Variants in EEF1E1 observed in about 807,000 individuals in gnomAD.
The protein encoded by EEF1E1 is eukaryotic translation elongation factor 1 epsilon-1.
Under a neutral mutation model 19.9 loss-of-function variants are expected in EEF1E1, and 19 were observed. The ratio of observed to expected loss-of-function variants is 0.95; its 90% CI spans 0.66 to 1.40. The LOEUF is 1.40. Ranked by LOEUF, EEF1E1 falls within the 40% of genes most tolerant of loss-of-function variation. The pLI is 0.00. For synonymous variants in EEF1E1, 81 were observed against 80.0 expected, an observed-to-expected ratio of 1.01 and a Z score of -0.07; for missense variants, 198 against 202.2, an observed-to-expected ratio of 0.98 and a Z score of 0.13.
At chr6:8,092,170 A>T (rs916793287) in intron 2 of EEF1E1, among the ~76,000 whole-genome samples, 2 of 152,186 alleles carry the variant, frequency 1.3e-5, no homozygotes, top group Non-Finnish European at 2.9e-5. Flanking sequence ...TCCTAACTCC[A>T]TAACTTTGGG....
chr6:8,099,751 A>AACACACACACACACAC (rs1554099744), intron 1 of EEF1E1, among the ~76,000 whole-genome samples: 5 of 92,928 alleles, frequency 5.4e-5, no homozygotes, highest in African/African-American at 1.6e-4. Flanking sequence ...CCGCCTCAAA[A>AACACACACACACACAC]ACACACACAC....
At chr6:8,097,497 T>TA (rs1466984631) in intron 1 of EEF1E1, 30 bp from the exon 2 acceptor site, 1 of 1,578,240 alleles carries the variant, frequency 6.3e-7, no homozygotes, top group Non-Finnish European at 8.6e-7. Flanking sequence ...TCACAGAATT[T>TA]AAAAAACAAG....
downstream of EEF1E1, among the ~76,000 whole-genome samples, chr6:8,076,504 T>C (rs1334465355): frequency 6.6e-6 from 1 of 152,118 alleles, no homozygotes; most frequent in East Asian, 1.9e-4. Context: ...TTTGTATTTT[T>C]AGTACAGACG....
In EEF1E1 at chr6:8,090,173, T is replaced by C; in HGVS notation, c.384+13A>G. On this transcript the variant is annotated intron_variant, in intron 3 of 3. Transcript: ENST00000379715. ...ACTACAGAAAAAAAGCCAGTAACTATACAAATACTCACTATAAAGCGATGA... is the reference window on the plus strand; with the variant it reads ...ACTACAGAAAAAAAGCCAGTAACTACACAAATACTCACTATAAAGCGATGA... The C allele has an allele frequency of 5.3e-6, 8 of 1,513,516 alleles. No individual in the cohort carries two copies. Among genetic ancestry groups the C allele is most frequent in the South Asian group, 1.3e-5 (1 of 74,610 alleles). The allele number at this position is 1,513,516 out of a possible 1,614,324, so 93.8% of individuals were successfully genotyped here. A position where few individuals can be genotyped will look rare whatever the true frequency, so the allele number is the denominator to read the frequency against.
intron 1 of EEF1E1, chr6:8,102,028 G>C (rs528115437): frequency 8.4e-7 from 1 of 1,189,740 alleles, no homozygotes; most frequent in Non-Finnish European, 1.1e-6. Context: ...GTGCTACCTG[G>C]CACCCTGTTA....
At chr6:8,102,100 A>AG in intron 1 of EEF1E1, 2 of 1,241,180 alleles carry the variant, frequency 1.6e-6, no homozygotes, top group South Asian at 1.6e-5. Flanking sequence ...AAAAAAAAAA[A>AG]GCCAGTTACT....
At chr6:8,077,081 C>T (rs1757615157), downstream of EEF1E1, among the ~76,000 whole-genome samples, 1 of 151,850 alleles carries the variant, frequency 6.6e-6, no homozygotes, top group South Asian at 2.1e-4. Context: ...GTAGCTGGGA[C>T]TACAGGCGCC....
At chr6:8,075,211 A>AT (rs1408950122), downstream of EEF1E1, among the ~76,000 whole-genome samples, 1 of 152,234 alleles carries the variant, frequency 6.6e-6, no homozygotes, top group Non-Finnish European at 1.5e-5. Flanking sequence ...TGTAAGACAC[A>AT]TAACAACTCC....
At chr6:8,090,061 A>G in intron 3 of EEF1E1, 125 bp downstream of exon 3, 1 of 692,388 alleles carries the variant, frequency 1.4e-6, no homozygotes, top group Non-Finnish European at 2.2e-6. Flanking sequence ...CACCTTGTAT[A>G]AAGGAATTCC....
At chr6:8,101,697 A>T in intron 1 of EEF1E1, 1 of 1,248,306 alleles carries the variant, frequency 8.0e-7, no homozygotes, top group Non-Finnish European at 1.0e-6. Context: ...TCTCTAATAC[A>T]TTCCTTCTAC....
chr6:8,097,538 C>A (rs1758208923), intron 1 of EEF1E1, 71 bp from the exon 2 acceptor site: 1 of 1,186,366 alleles, frequency 8.4e-7, no homozygotes, highest in South Asian at 1.4e-5. Flanking sequence ...TTCTAAGTAA[C>A]CACGAAATCC....
intron 1 of EEF1E1, among the ~76,000 whole-genome samples, chr6:8,099,785 C>CAAA (rs1158370694): frequency 4.2e-5 from 4 of 94,408 alleles, no homozygotes; most frequent in Admixed American, 3.1e-4. Context: ...CACACACACA[C>CAAA]ACACACAAAA....
In EEF1E1 at chr6:8,091,948, G is replaced by T. The variant is rs1216033695; in HGVS notation, c.289-1667C>A. 2.6e-5 allele frequency among the ~76,000 whole-genome samples: 4 copies of T among 152,324 alleles called. No homozygotes were observed. In the South Asian group the frequency reaches 8.3e-4, roughly 32 times the overall value. ...TAGACTGGGTGGCATGTAAACAAAA[G>T]AGATTTATTCCTCACAGTTCTGGAG... On this transcript the variant is annotated intron_variant, in intron 2 of 3. Coordinates refer to ENST00000379715, the MANE Select transcript of EEF1E1 (RefSeq NM_004280.5).
At chr6:8,090,101 C>A (rs1757975335) in intron 3 of EEF1E1, 85 bp downstream of exon 3, 2 of 1,196,882 alleles carry the variant, frequency 1.7e-6, no homozygotes, top group Non-Finnish European at 2.3e-6. Flanking sequence ...GCCAAAAATG[C>A]AAATCTGATT....
intron 3 of EEF1E1, among the ~76,000 whole-genome samples, chr6:8,088,602 A>G (rs1465773483): frequency 6.6e-6 from 1 of 152,146 alleles, no homozygotes; most frequent in Non-Finnish European, 1.5e-5. Context: ...CTTGCCTTCC[A>G]CCATGATTGT....
At chr6:8,089,982 A>T (rs1136045) in intron 3 of EEF1E1, 189,799 of 402,410 alleles carry the variant, frequency 0.47, 45,247 homozygotes, top group East Asian at 0.56. Context: ...AAGTTTTTTT[A>T]AATTTTATTA....
intron 1 of EEF1E1, chr6:8,102,098 A>C (rs1457698276): frequency 2.4e-6 from 3 of 1,244,552 alleles, no homozygotes; most frequent in Non-Finnish European, 3.1e-6. Context: ...GAAAAAAAAA[A>C]AAGCCAGTTA....
At chr6:8,084,319 G>C (rs772723368) in intron 3 of EEF1E1, among the ~76,000 whole-genome samples, 5 of 152,158 alleles carry the variant, frequency 3.3e-5, no homozygotes, top group Non-Finnish European at 7.3e-5. Context: ...ACTTAGACTC[G>C]TAATTAAATA....
At position 8,080,132 on chromosome 6, in the gene EEF1E1, CA is replaced by C. The variant is rs1378954214; in HGVS notation, c.385-103del. 12 of 1,319,396 alleles carry C rather than the reference CA, an allele frequency of 9.1e-6. No homozygotes were observed. In the African/African-American group the frequency reaches 1.6e-4, roughly 18 times the overall value. 81.7% of individuals were successfully genotyped at this position (1,319,396 alleles called of 1,614,324 possible). A position where few individuals can be genotyped will look rare whatever the true frequency, so the allele number is the denominator to read the frequency against. ...GATAGAAGTTGAAAAACAACAACAT[CA>C]ATCCCCCAAGAGCTCTCAAAAGCCA... On this transcript the variant is annotated intron_variant, in intron 3 of 3. Coordinates refer to ENST00000379715, the MANE Select transcript of EEF1E1 (RefSeq NM_004280.5).
Sources: gnomAD v4.1 joint callset for allele counts (sites outside exome capture counted in the v4.1 genomes callset) on GRCh38, gnomAD v4.1.1 for gene constraint, MANE v1.5 for transcripts, NCBI Gene and HGNC (gene_info 2026-07-23, HGNC 2026-07-21) for gene names.